EEFSEC: variants seen among roughly 807,000 people sequenced by gnomAD.
EEFSEC encodes selenocysteine-specific elongation factor.
EEFSEC carries 43 observed loss-of-function variants against 42.1 expected under a neutral mutation model. That is an observed-to-expected ratio of 1.02 (90% CI 0.80 to 1.32). The LOEUF (loss-of-function observed/expected upper bound fraction) is 1.32. Ranked by LOEUF, EEFSEC falls within the 40% of genes most tolerant of loss-of-function variation. The pLI, the probability that EEFSEC is intolerant of heterozygous loss-of-function variation, is 0.00. For synonymous variants in EEFSEC, 354 were observed against 339.1 expected, an observed-to-expected ratio of 1.04 and a Z score of -0.48; for missense variants, 745 against 803.6, an observed-to-expected ratio of 0.93 and a Z score of 0.88.
chr3:128,385,125 C>A (rs778943141), intron 6 of EEFSEC, among the ~76,000 whole-genome samples: 13 of 152,224 alleles, frequency 8.5e-5, no homozygotes, highest in Non-Finnish European at 1.2e-4. Flanking sequence ...CTCCCTCCTC[C>A]TCCAGAGAAA....
At position 128,262,154 on chromosome 3, in the gene EEFSEC, T is replaced by G. The variant is rs1425714128; in HGVS notation, c.551T>G (p.Val184Gly). Reference sequence around the variant, plus strand: ...TTCCGAGGTGCACCGATTATACCCGTGGCGGCCAAGCCGGGGGGACCAGAG... The same window carrying G: ...TTCCGAGGTGCACCGATTATACCCGGGGCGGCCAAGCCGGGGGGACCAGAG... ...TKFRGAPIIP[V>G]AAKPGGPEAP... Residue 184 changes from valine to glycine, a missense_variant, in exon 3 of 7, where the codon GTG (valine) becomes GGG (glycine). Physicochemically the swap from Val to Gly is moderately radical, Grantham distance 109 (BLOSUM62 -3). Coordinates refer to ENST00000254730, the MANE Select transcript of EEFSEC (RefSeq NM_021937.5). The G allele has an allele frequency of 2.5e-6, 4 of 1,613,998 alleles. No homozygotes were observed.
At chr3:128,244,491 G>T (rs1416852777) in intron 1 of EEFSEC, among the ~76,000 whole-genome samples, 1 of 149,608 alleles carries the variant, frequency 6.7e-6, no homozygotes, top group African/African-American at 2.5e-5. Flanking sequence ...TTTTTTTCCA[G>T]TGGACAGTGG....
chr3:128,390,167 A>G (rs1559954359), intron 6 of EEFSEC, among the ~76,000 whole-genome samples: 1 of 152,230 alleles, frequency 6.6e-6, no homozygotes, highest in South Asian at 2.1e-4. Context: ...TATAATTTAC[A>G]TTGTTGTGAC....
chr3:128,224,032 G>T (rs192926719), intron 1 of EEFSEC, among the ~76,000 whole-genome samples: 43 of 150,780 alleles, frequency 2.9e-4, no homozygotes, highest in African/African-American at 8.3e-4. Flanking sequence ...TATTTTCTAT[G>T]TGATCTTCTG....
At chr3:128,211,743 T>C (rs998406515) in intron 1 of EEFSEC, among the ~76,000 whole-genome samples, 2 of 151,680 alleles carry the variant, frequency 1.3e-5, no homozygotes, top group African/African-American at 2.4e-5. Context: ...CTCAAACTCC[T>C]GAGTTCAGGC....
the EEFSEC span, among the ~76,000 whole-genome samples, chr3:128,418,217 G>A: frequency 1.9e-4 from 29 of 151,786 alleles, no homozygotes; most frequent in Non-Finnish European, 3.4e-4. Flanking sequence ...GTCTGCACCC[G>A]CTCATGACCC....
intron 4 of EEFSEC, among the ~76,000 whole-genome samples, chr3:128,278,260 G>T (rs545417389): frequency 6.6e-6 from 1 of 152,288 alleles, no homozygotes; most frequent in African/African-American, 2.4e-5. Context: ...GGATCAAGCT[G>T]GCAGCAATCC....
the EEFSEC span, among the ~76,000 whole-genome samples, chr3:128,422,411 G>C: frequency 5.3e-5 from 8 of 152,208 alleles, no homozygotes; most frequent in Admixed American, 4.6e-4. Context: ...GTCCAGAAAG[G>C]CTCGAGGGCA....
At chr3:128,243,439 G>A (rs1037105896) in intron 1 of EEFSEC, among the ~76,000 whole-genome samples, 2 of 152,212 alleles carry the variant, frequency 1.3e-5, no homozygotes, top group Admixed American at 1.3e-4. Flanking sequence ...GGATAGTTGT[G>A]TATACCAATA....
At chr3:128,264,092 G>C (rs1364919252) in intron 3 of EEFSEC, among the ~76,000 whole-genome samples, 2 of 152,194 alleles carry the variant, frequency 1.3e-5, no homozygotes, top group Non-Finnish European at 2.9e-5. Flanking sequence ...AGGAGGTATT[G>C]CTGCAGTACA....
intron 6 of EEFSEC, among the ~76,000 whole-genome samples, chr3:128,387,998 G>A (rs1398418612): frequency 6.6e-6 from 1 of 152,210 alleles, no homozygotes; most frequent in Non-Finnish European, 1.5e-5. Context: ...CAAGTAAGGT[G>A]CAGCCATTAG....
At chr3:128,301,629 T>C (rs898166214) in intron 4 of EEFSEC, among the ~76,000 whole-genome samples, 1 of 152,186 alleles carries the variant, frequency 6.6e-6, no homozygotes, top group South Asian at 2.1e-4. Context: ...ACCTGTCCAG[T>C]GTCCTCCTTA....
At chr3:128,283,302 A>G (rs1420695126) in intron 4 of EEFSEC, among the ~76,000 whole-genome samples, 1 of 152,218 alleles carries the variant, frequency 6.6e-6, no homozygotes, top group Non-Finnish European at 1.5e-5. Flanking sequence ...AGGGGTGGCT[A>G]TGTTCGTTCG....
chr3:128,319,415 C>T (rs1459371974), intron 4 of EEFSEC, among the ~76,000 whole-genome samples: 1 of 152,192 alleles, frequency 6.6e-6, no homozygotes, highest in African/African-American at 2.4e-5. Context: ...AGGGTGGCTC[C>T]ATTACCGTTC....
chr3:128,212,579 A>T (rs2065769937), intron 1 of EEFSEC, among the ~76,000 whole-genome samples: 1 of 152,210 alleles, frequency 6.6e-6, no homozygotes, highest in South Asian at 2.1e-4. Context: ...AAACCGAATG[A>T]GCAGTCACAT....
At chr3:128,335,589 G>T (rs1248493894) in intron 4 of EEFSEC, among the ~76,000 whole-genome samples, 1 of 152,212 alleles carries the variant, frequency 6.6e-6, no homozygotes, top group Non-Finnish European at 1.5e-5. Flanking sequence ...GGCATTGTGA[G>T]TCCTGGAAAG....
At chr3:128,204,700 G>A (rs1426785097) in intron 1 of EEFSEC, among the ~76,000 whole-genome samples, 2 of 152,154 alleles carry the variant, frequency 1.3e-5, no homozygotes, top group African/African-American at 2.4e-5. Flanking sequence ...AGCAGGATGT[G>A]TGTTGGTTCC....
At chr3:128,279,257 C>G (rs987363654) in intron 4 of EEFSEC, among the ~76,000 whole-genome samples, 1 of 152,216 alleles carries the variant, frequency 6.6e-6, no homozygotes, top group Non-Finnish European at 1.5e-5. Flanking sequence ...CCACTTAACC[C>G]TTCCAGTGCT....
At chr3:128,221,760 C>T (rs1040909160) in intron 1 of EEFSEC, among the ~76,000 whole-genome samples, 2 of 151,706 alleles carry the variant, frequency 1.3e-5, no homozygotes, top group African/African-American at 4.8e-5. Flanking sequence ...AAACTCAGAT[C>T]CTGGAAACTA....
Sources: gnomAD v4.1 joint callset for allele counts (sites outside exome capture counted in the v4.1 genomes callset) on GRCh38, gnomAD v4.1.1 for gene constraint, MANE v1.5 for transcripts, NCBI Gene and HGNC (gene_info 2026-07-23, HGNC 2026-07-21) for gene names.